Variants in TMEM237 observed in about 807,000 individuals in gnomAD.
TMEM237 encodes the protein amyotrophic lateral sclerosis 2 (juvenile) chromosome region, candidate 4.
A neutral mutation model predicts 59.1 loss-of-function variants in TMEM237; 51 were observed. The ratio of observed to expected loss-of-function variants is 0.86; its 90% CI spans 0.69 to 1.09. TMEM237 has a LOEUF of 1.09. TMEM237 is among the 50% of genes least tolerant of loss of function. The pLI, the probability that TMEM237 is intolerant of heterozygous loss-of-function variation, is 0.00. For missense variants in TMEM237, 475 were observed against 478.3 expected (o/e 0.99, Z 0.06); for synonymous variants, 140 against 166.1 (o/e 0.84, Z 1.21).
intron 5 of TMEM237, 198 bp downstream of exon 5, chr2:201,636,550 T>C: frequency 1.7e-6 from 1 of 588,402 alleles, no homozygotes; most frequent in Non-Finnish European, 2.9e-6. Context: ...AATCTATACA[T>C]ATATGATCAA....
At chr2:201,632,423 G>A (rs1957815946) in intron 6 of TMEM237, among the ~76,000 whole-genome samples, 1 of 152,154 alleles carries the variant, frequency 6.6e-6, no homozygotes, top group Admixed American at 6.5e-5. Flanking sequence ...TGAAGTGACT[G>A]AACTAGATCT....
chr2:201,642,876 CGACCG>C, intron 1 of TMEM237: 1 of 1,333,928 alleles, frequency 7.5e-7, no homozygotes, highest in Non-Finnish European at 9.5e-7. Context: ...AGAAATCTGG[CGACCG>C]TGGCGCTGCA....
rs913215979 is a variant in TMEM237 at position 201,627,617 on chromosome 2, C to T, written c.944-203G>A. ...ATAGGTGCAGAAGGATCTTTTGAGA[C>T]GTTCACTATTTCATCATTAGAACTG... On this transcript the variant is annotated intron_variant, in intron 10 of 12. Transcript: ENST00000409883. 1.7e-4 allele frequency among the ~76,000 whole-genome samples: 26 copies of T among 152,218 alleles called. 1 individual carries two copies. The highest frequency in any genetic ancestry group is 6.0e-4 in the African/African-American group (25 of 41,542).
chr2:201,627,487 C>T (rs1016820210), intron 10 of TMEM237, 73 bp from the exon 11 acceptor site: 16 of 977,248 alleles, frequency 1.6e-5, no homozygotes, highest in East Asian at 1.1e-4. Context: ...AGATTAATAT[C>T]GAAAATAATC....
intron 3 of TMEM237, among the ~76,000 whole-genome samples, chr2:201,639,611 C>A (rs1687372186): frequency 6.6e-6 from 1 of 152,162 alleles, no homozygotes; most frequent in African/African-American, 2.4e-5. Flanking sequence ...GCCTGGCCAA[C>A]ATGGCAAAAC....
At chr2:201,625,809 C>G (rs1413019046) in intron 12 of TMEM237, among the ~76,000 whole-genome samples, 1 of 152,094 alleles carries the variant, frequency 6.6e-6, no homozygotes, top group Admixed American at 6.5e-5. Context: ...ACAGAAGCCC[C>G]TCATTAAGTA....
chr2:201,629,597 A>T, intron 8 of TMEM237, 132 bp downstream of exon 8: 2 of 1,365,282 alleles, frequency 1.5e-6, no homozygotes, highest in Non-Finnish European at 2.0e-6. Flanking sequence ...AGGATGTTTA[A>T]AAAATATACC....
At chr2:201,634,011 C>T (rs763379736) in intron 5 of TMEM237, among the ~76,000 whole-genome samples, 2 of 152,130 alleles carry the variant, frequency 1.3e-5, no homozygotes, top group Admixed American at 6.5e-5. Context: ...TCTGGATGCC[C>T]GGAAGGGAAA....
At chr2:201,634,782 G>A in intron 5 of TMEM237, 1 of 340,810 alleles carries the variant, frequency 2.9e-6, no homozygotes, top group Non-Finnish European at 6.2e-6. Context: ...CCCAGGCACT[G>A]TGGCATCCCA....
Position 201,643,027 on chromosome 2 carries a change from G to A in TMEM237, c.42+332C>T, listed in dbSNP as rs1687462096. ...GGGCAGCTACAGACCTCTCCTCGGA[G>A]GAGTCTAGGAGAGGCCTGGCTGGAA... On this transcript the variant is annotated intron_variant, in intron 1 of 12. Coordinates refer to ENST00000409883, the MANE Select transcript of TMEM237 (RefSeq NM_001044385.3). This position sits in a 1 kb window ranked among gnomAD's most constrained non-coding sequence, Gnocchi z 4.3. 7.9e-7 allele frequency: 1 copy of A among 1,269,192 alleles called. No individual in the cohort carries two copies. Among genetic ancestry groups the A allele is most frequent in the Non-Finnish European group, 1.0e-6 (1 of 1,000,074 alleles). The allele number at this position is 1,269,192 out of a possible 1,614,324, so 78.6% of individuals were successfully genotyped here.
Position 201,636,895 on chromosome 2 carries a change from AAC to A in TMEM237, c.137-12_137-11del, listed in dbSNP as rs769706762. The A allele has an allele frequency of 6.3e-7, 1 of 1,588,308 alleles. No individual in the cohort carries two copies. The highest frequency in any genetic ancestry group is 8.5e-7 in the Non-Finnish European group (1 of 1,171,938). On this transcript the variant is annotated splice_polypyrimidine_tract_variant and intron_variant, in intron 4 of 12. Transcript: ENST00000409883. ...TCCAAAGAAGCACTTGCTATAGAAA[AAC>A]AGAGTAGAAAAAAATGAGATTACTT...
chr2:201,632,210 T>G lies in TMEM237; in HGVS notation c.396-2A>C. 6.2e-7 allele frequency: 1 copy of G among 1,613,688 alleles called. No homozygotes were observed. The highest frequency in any genetic ancestry group is 8.5e-7 in the Non-Finnish European group (1 of 1,179,716). On this transcript the variant is annotated splice_acceptor_variant, in intron 6 of 12. Coordinates refer to ENST00000409883, the MANE Select transcript of TMEM237 (RefSeq NM_001044385.3). LOFTEE classifies it high-confidence loss of function. ...TGTAATTCTGCTGGCTGGGTTTTCC[T>G]GTAATAAGGACGTATGTATGAAAAA...
chr2:201,626,086 G>T lies in TMEM237; in HGVS notation c.1099C>A (p.Leu367Ile). ...PWIVVNLVVA[L>I]LVGLSWLFLS... Reference sequence around the variant, plus strand: ...AATAGCCAAGATAATCCAACCAGAAGAGCCACCACGAGATTCACCACAATC... The same window carrying T: ...AATAGCCAAGATAATCCAACCAGAATAGCCACCACGAGATTCACCACAATC... Residue 367 changes from leucine (L) to isoleucine (I), a missense_variant, in exon 12 of 13, where the codon CTT (leucine) becomes ATT (isoleucine). Coordinates refer to ENST00000409883, the MANE Select transcript of TMEM237 (RefSeq NM_001044385.3). The T allele has an allele frequency of 6.2e-7, 1 of 1,608,572 alleles. No homozygotes were observed. Among genetic ancestry groups the T allele is most frequent in the African/African-American group, 1.3e-5 (1 of 74,818 alleles).
Position 201,622,656 on chromosome 2 carries a change from T to C in TMEM237, c.*1599A>G, listed in dbSNP as rs1957719102. On this transcript the variant is annotated 3_prime_UTR_variant, in exon 13 of 13. Coordinates refer to ENST00000409883, the MANE Select transcript of TMEM237 (RefSeq NM_001044385.3). ...CTCTGCTTTTAAGGACTCATAAGATTACACTGGACCCTTCTGGATAATACA... is the reference window on the plus strand; with the variant it reads ...CTCTGCTTTTAAGGACTCATAAGATCACACTGGACCCTTCTGGATAATACA... The C allele has an allele frequency of 6.6e-6, 1 of 152,292 alleles. No homozygotes were observed. Among genetic ancestry groups the C allele is most frequent in the African/African-American group, 2.4e-5 (1 of 41,472 alleles). 9.4% of individuals were successfully genotyped at this position (152,292 alleles called of 1,614,324 possible). A position where few individuals can be genotyped will look rare whatever the true frequency, so the allele number is the denominator to read the frequency against.
In TMEM237 at chr2:201,626,132, C is replaced by T; in HGVS notation, c.1053G>A (p.Glu351=). 6.2e-7 allele frequency: 1 copy of T among 1,611,286 alleles called. No individual in the cohort carries two copies. ...VNGSLWEAGI[E]EQILQPWIVV... is the part of the protein sequence containing the mutation. ...CAATCCATGGCTGGAGAATCTGTTC[C>T]TCAATTCCTGCTTCCCTAAAAATGT... The change falls in exon 12 of 13, where the codon GAG becomes GAA. Residue 351 remains glutamate, a synonymous_variant. Coordinates refer to ENST00000409883, the MANE Select transcript of TMEM237 (RefSeq NM_001044385.3).
At chr2:201,627,027 C>A (rs909779677) in intron 11 of TMEM237, among the ~76,000 whole-genome samples, 2 of 151,774 alleles carry the variant, frequency 1.3e-5, no homozygotes, top group African/African-American at 4.8e-5. Context: ...CTGCAGTGAG[C>A]CGAGATAGTG....
chr2:201,643,060 CACCCGCCG>C lies in TMEM237; in HGVS notation c.42+291_42+298del. ...GGAGAGGCCTGGCTGGAAGCCCCGG[CACCCGCCG>C]GGCCCCGGGCCTCAGATGAGTGAGG... On this transcript the variant is annotated intron_variant, in intron 1 of 12. Coordinates refer to ENST00000409883, the MANE Select transcript of TMEM237 (RefSeq NM_001044385.3). This position sits in a 1 kb window ranked among gnomAD's most constrained non-coding sequence, Gnocchi z 4.3. The C allele has an allele frequency of 8.3e-7, 1 of 1,199,106 alleles. No homozygotes were observed. The highest frequency in any genetic ancestry group is 1.1e-6 in the Non-Finnish European group (1 of 926,012). 74.3% of individuals were successfully genotyped at this position (1,199,106 alleles called of 1,614,324 possible).
At chr2:201,625,312 A>C (rs1286577556) in intron 12 of TMEM237, among the ~76,000 whole-genome samples, 1 of 152,118 alleles carries the variant, frequency 6.6e-6, no homozygotes, top group African/African-American at 2.4e-5. Context: ...CAGTGAGCCC[A>C]GATCGAGCCA....
chr2:201,629,664 T>C, intron 8 of TMEM237, 65 bp downstream of exon 8: 1 of 1,559,186 alleles, frequency 6.4e-7, no homozygotes, highest in Non-Finnish European at 8.6e-7. Context: ...AAGAGGTTAT[T>C]TTTTTCTTTA....
Sources: allele counts gnomAD v4.1 joint callset (sites outside exome capture counted in the v4.1 genomes callset), GRCh38; gene constraint gnomAD v4.1.1; non-coding constraint Gnocchi (gnomAD v3.1); transcripts MANE v1.5; gene names NCBI Gene and HGNC (gene_info 2026-07-23, HGNC 2026-07-21).